The following PLCXD2 variants were observed in gnomAD, a reference collection of about 807,000 sequenced individuals.
The protein encoded by PLCXD2 is phosphatidylinositol specific phospholipase C X domain containing 2, also known as PI-PLC X domain-containing protein 2.
PLCXD2 carries 21 observed loss-of-function variants against 28.6 expected under a neutral mutation model. That is an observed-to-expected ratio of 0.73 (90% CI 0.52 to 1.06). The LOEUF (loss-of-function observed/expected upper bound fraction) is 1.06. Among genes scored for constraint, PLCXD2 ranks in the 50% least tolerant of loss-of-function variants. PLCXD2 has a pLI of 0.00. For synonymous variants in PLCXD2, 140 were observed against 150.1 expected, an observed-to-expected ratio of 0.93 and a Z score of 0.49; for missense variants, 369 against 376.7, an observed-to-expected ratio of 0.98 and a Z score of 0.17.
chr3:111,686,868 A>C (rs187147669), intron 1 of PLCXD2, among the ~76,000 whole-genome samples: 1 of 152,272 alleles, frequency 6.6e-6, no homozygotes, highest in East Asian at 1.9e-4. Context: ...TTTGTCCTCT[A>C]TGTTTTCTGA....
At chr3:111,682,498 C>T (rs1559790891) in intron 1 of PLCXD2, among the ~76,000 whole-genome samples, 1 of 152,106 alleles carries the variant, frequency 6.6e-6, no homozygotes, top group Non-Finnish European at 1.5e-5. Context: ...ATTTTTATTT[C>T]TGTTCAGACC....
At chr3:111,722,242 A>G (rs1267584537) in intron 3 of PLCXD2, 1 of 151,748 alleles carries the variant, frequency 6.6e-6, no homozygotes, top group African/African-American at 2.4e-5. Flanking sequence ...CGTGCTTCTT[A>G]CATCAAGAGC....
At chr3:111,723,688 G>A (rs1400764637) in intron 3 of PLCXD2, 2 of 152,224 alleles carry the variant, frequency 1.3e-5, no homozygotes, top group East Asian at 3.8e-4. Context: ...TGTAAAGGAT[G>A]TGTGCCTTCT....
At chr3:111,709,212 A>G (rs1941165708) in intron 2 of PLCXD2, among the ~76,000 whole-genome samples, 1 of 152,210 alleles carries the variant, frequency 6.6e-6, no homozygotes, top group African/African-American at 2.4e-5. Flanking sequence ...CTTTTGATTA[A>G]AAATAGTTTA....
chr3:111,724,839 A>G (rs1178315462), intron 3 of PLCXD2: 2 of 152,244 alleles, frequency 1.3e-5, no homozygotes, highest in Non-Finnish European at 2.9e-5. Flanking sequence ...TTAGCTGAGC[A>G]TGTGATCCTG....
chr3:111,714,022 C>T lies in PLCXD2; in HGVS notation c.760C>T (p.Arg254Trp), dbSNP rs763534263. ...CTTCTTGGAGACCACTCTGAGTGAG[C>T]GGGCCTCACGGGGCTCCTTCCATGT... Residue 254 changes from arginine (R) to tryptophan (W), a missense_variant, in exon 3 of 5, where the codon CGG becomes TGG. Physicochemically the swap from Arg to Trp is moderately radical, Grantham distance 101. Coordinates refer to ENST00000477665, the MANE Select transcript of PLCXD2 (RefSeq NM_001185106.1). The T allele has an allele frequency of 3.7e-6, 6 of 1,614,030 alleles. No homozygotes were observed. Among genetic ancestry groups the T allele is most frequent in the East Asian group, 2.2e-5 (1 of 44,882 alleles).
intron 3 of PLCXD2, among the ~76,000 whole-genome samples, chr3:111,718,329 G>A (rs7644696): frequency 0.97 from 147,624 of 152,116 alleles, 71,654 homozygotes; most frequent in East Asian, 1. Context: ...GCTGGGCGTG[G>A]TGGCGGGCGC....
intron 1 of PLCXD2, among the ~76,000 whole-genome samples, chr3:111,695,063 TG>T (rs1302998495): frequency 6.6e-6 from 1 of 151,202 alleles, no homozygotes; most frequent in South Asian, 2.1e-4. Flanking sequence ...TTGAAAAAAA[TG>T]TTGAATTTCT....
At chr3:111,720,842 A>G (rs1941336550) in intron 3 of PLCXD2, 3 of 416,696 alleles carry the variant, frequency 7.2e-6, no homozygotes, top group Admixed American at 8.8e-5. Flanking sequence ...ATCAAGTTGA[A>G]TGACCTCCTA....
Position 111,680,021 on chromosome 3 carries a change from G to A in PLCXD2, c.163+4613G>A, listed in dbSNP as rs144563679. ...CCACAGGTGCTCCTCACTGCTCTCC[G>A]ATTCCCAGATGATTCTCTGATCTCA... On this transcript the variant is annotated intron_variant, in intron 1 of 4. Coordinates refer to ENST00000477665, the MANE Select transcript of PLCXD2 (RefSeq NM_001185106.1). 4.4e-3 allele frequency among the ~76,000 whole-genome samples: 671 copies of A among 152,230 alleles called. 3 individuals are homozygous for A. Among genetic ancestry groups the A allele is most frequent in the African/African-American group, 0.014 (566 of 41,514 alleles).
At chr3:111,721,317 G>A (rs1460687676) in intron 3 of PLCXD2, 1 of 152,282 alleles carries the variant, frequency 6.6e-6, no homozygotes, top group Admixed American at 6.5e-5. Flanking sequence ...TGCAGCTGTG[G>A]ACCACCATCT....
chr3:111,722,989 A>T (rs1941366354), intron 3 of PLCXD2: 2 of 152,198 alleles, frequency 1.3e-5, no homozygotes, highest in South Asian at 4.1e-4. Flanking sequence ...CCTTCTCTGG[A>T]TAAGAGTAAG....
chr3:111,709,938 G>T (rs923795233), intron 2 of PLCXD2, among the ~76,000 whole-genome samples: 2 of 152,170 alleles, frequency 1.3e-5, no homozygotes. Context: ...AGAGACCAGG[G>T]CAGGGGGATT....
intron 3 of PLCXD2, chr3:111,724,663 G>A (rs1044055537): frequency 3.3e-5 from 5 of 152,154 alleles, no homozygotes; most frequent in African/African-American, 4.8e-5. Flanking sequence ...ACTTCTTCCT[G>A]GGAAGTAAAA....
intron 1 of PLCXD2, among the ~76,000 whole-genome samples, chr3:111,692,095 G>A (rs896386403): frequency 1.3e-5 from 2 of 152,234 alleles, no homozygotes; most frequent in African/African-American, 4.8e-5. Flanking sequence ...ATGCTGGAGT[G>A]CAGTGGCGCG....
At chr3:111,690,028 A>G (rs1200087248) in intron 1 of PLCXD2, among the ~76,000 whole-genome samples, 1 of 152,254 alleles carries the variant, frequency 6.6e-6, no homozygotes, top group Non-Finnish European at 1.5e-5. Flanking sequence ...ATAATAAATT[A>G]ATGATGTAGA....
chr3:111,675,312 G>A lies in PLCXD2; in HGVS notation c.67G>A (p.Gly23Arg). ...GACCATCTGCTCCCCCAACCCCAGC[G>A]GGACAAAGACATCATCGGAGGTCTG... Residue 23 changes from glycine to arginine, a missense_variant, in exon 1 of 5, where the codon GGG (glycine) becomes AGG (arginine). Physicochemically the swap from Gly to Arg is moderately radical, Grantham distance 125. Transcript: ENST00000477665. 6.2e-7 allele frequency: 1 copy of A among 1,614,124 alleles called. No individual in the cohort carries two copies. The highest frequency in any genetic ancestry group is 8.5e-7 in the Non-Finnish European group (1 of 1,180,012).
At chr3:111,691,284 G>A (rs969204993) in intron 1 of PLCXD2, 1 of 152,192 alleles carries the variant, frequency 6.6e-6, no homozygotes, top group Non-Finnish European at 1.5e-5. Context: ...TTAGTAAGCT[G>A]TTAATAAGTG....
chr3:111,719,592 C>G (rs1941318690), intron 3 of PLCXD2, among the ~76,000 whole-genome samples: 1 of 152,188 alleles, frequency 6.6e-6, no homozygotes, highest in Admixed American at 6.5e-5. Flanking sequence ...ATACATGCAG[C>G]AACGTGGATG....
Sources: allele counts gnomAD v4.1 joint callset (sites outside exome capture counted in the v4.1 genomes callset), GRCh38; gene constraint gnomAD v4.1.1; transcripts MANE v1.5; gene names NCBI Gene and HGNC (gene_info 2026-07-23, HGNC 2026-07-21).